HCRTR2: variants seen among roughly 807,000 people sequenced by gnomAD.
The protein encoded by HCRTR2 is hypocretin receptor 2, also known as orexin receptor type 2.
A neutral mutation model predicts 49.0 loss-of-function variants in HCRTR2; 22 were observed. The ratio of observed to expected loss-of-function variants is 0.45; its 90% CI spans 0.32 to 0.64. HCRTR2 has a LOEUF of 0.64. Ranked by LOEUF, HCRTR2 falls within the 30% of genes least tolerant of loss-of-function variation. HCRTR2 has a pLI of 0.04. For synonymous variants in HCRTR2, 236 were observed against 205.3 expected (o/e 1.15, Z -1.28); for missense variants, 491 against 559.4 (o/e 0.88, Z 1.23).
intron 4 of HCRTR2, among the ~76,000 whole-genome samples, chr6:55,271,551 A>C (rs1260298341): frequency 6.6e-6 from 1 of 152,118 alleles, no homozygotes; most frequent in African/African-American, 2.4e-5. Flanking sequence ...ATCAAAACAA[A>C]AACTTTTGTG....
At chr6:55,259,846 A>G (rs1766721816) in intron 3 of HCRTR2, among the ~76,000 whole-genome samples, 1 of 152,136 alleles carries the variant, frequency 6.6e-6, no homozygotes, top group Non-Finnish European at 1.5e-5. Context: ...ATTGCTTATG[A>G]AGTACAGAAA....
At chr6:55,271,170 C>T (rs889123416) in intron 4 of HCRTR2, among the ~76,000 whole-genome samples, 7 of 152,178 alleles carry the variant, frequency 4.6e-5, no homozygotes, top group East Asian at 3.9e-4. Flanking sequence ...GTAACTAAGA[C>T]GGTGTGGTAC....
chr6:55,146,278 A>G (rs998078314), intron 1 of HCRTR2, among the ~76,000 whole-genome samples: 6 of 152,218 alleles, frequency 3.9e-5, no homozygotes, highest in African/African-American at 1.4e-4. Flanking sequence ...TTGATGCCAT[A>G]AAACCTAAAG....
At position 55,255,251 on chromosome 6, in the gene HCRTR2, T is replaced by C; in HGVS notation, c.518T>C (p.Ile173Thr). 5.6e-6 allele frequency: 9 copies of C among 1,614,040 alleles called. No individual in the cohort carries two copies. The highest frequency in any genetic ancestry group is 6.8e-6 in the Non-Finnish European group (8 of 1,179,982). ...ACAGCAAAGCGGGCCCGTAACAGCATTGTCATCATCTGGATTGTCTCCTGC... is the reference window on the plus strand; with the variant it reads ...ACAGCAAAGCGGGCCCGTAACAGCACTGTCATCATCTGGATTGTCTCCTGC... ...KSTAKRARNS[I>T]VIIWIVSCII... Residue 173 changes from isoleucine to threonine, a missense_variant, in exon 3 of 7, where the codon ATT (isoleucine) becomes ACT (threonine). Ile to Thr is a moderately conservative substitution (Grantham distance 89, BLOSUM62 -1). Transcript: ENST00000370862.
intron 1 of HCRTR2, among the ~76,000 whole-genome samples, chr6:55,210,897 C>T (rs571704727): frequency 1.1e-4 from 17 of 152,210 alleles, no homozygotes; most frequent in South Asian, 8.3e-4. Flanking sequence ...CCTAAGAGTA[C>T]GCTCATGCAC....
Position 55,205,390 on chromosome 6 carries a change from G to C in HCRTR2, c.223+30580G>C, listed in dbSNP as rs60631253. Among the ~76,000 whole-genome samples the C allele has an allele frequency of 5.1e-3, 783 of 152,258 alleles. 7 individuals carry two copies. Among genetic ancestry groups the C allele is most frequent in the African/African-American group, 0.018 (745 of 41,540 alleles). On this transcript the variant is annotated intron_variant, in intron 1 of 6. Coordinates refer to ENST00000370862, the MANE Select transcript of HCRTR2 (RefSeq NM_001384272.1). ...AAGAAGGAATCTAAGGTAGTGAAGA[G>C]ATTGAAATGTGTCAAGGAGAGAAGA...
intron 1 of HCRTR2, among the ~76,000 whole-genome samples, chr6:55,241,955 A>G (rs1766343636): frequency 7.5e-6 from 1 of 134,196 alleles, no homozygotes; most frequent in Non-Finnish European, 1.5e-5. Flanking sequence ...TGCAGCCTCC[A>G]CCTCCCGGGT....
intron 1 of HCRTR2, among the ~76,000 whole-genome samples, chr6:55,113,348 C>T (rs1206417224): frequency 6.6e-6 from 1 of 152,042 alleles, no homozygotes; most frequent in African/African-American, 2.4e-5. Flanking sequence ...AGACAACCCA[C>T]AGAGTGGGAG....
chr6:55,145,401 T>G (rs530784859), intron 1 of HCRTR2, among the ~76,000 whole-genome samples: 71 of 83,554 alleles, frequency 8.5e-4, no homozygotes, highest in African/African-American at 2.8e-3. Flanking sequence ...TTGTTTTTTT[T>G]TTTGTTTTTT....
intron 4 of HCRTR2, among the ~76,000 whole-genome samples, chr6:55,275,302 C>T (rs1454933414): frequency 6.6e-6 from 1 of 152,128 alleles, no homozygotes; most frequent in Admixed American, 6.6e-5. Context: ...CTTAATCCTT[C>T]TCAGTGCCTG....
chr6:55,280,082 T>C (rs896778670), intron 5 of HCRTR2, among the ~76,000 whole-genome samples: 1 of 152,190 alleles, frequency 6.6e-6, no homozygotes, highest in Non-Finnish European at 1.5e-5. Context: ...CTGCATCTGC[T>C]ATTTGTGGGA....
rs75266629 is a variant in HCRTR2, at chr6:55,266,486, T to G, written c.762+2664T>G. Among the ~76,000 whole-genome samples the G allele has an allele frequency of 3.4e-3, 524 of 152,166 alleles. 1 individual carries two copies. The highest frequency in any genetic ancestry group is 4.9e-3 in the Non-Finnish European group (333 of 67,956). On this transcript the variant is annotated intron_variant, in intron 4 of 6. Transcript: ENST00000370862. ...TAGAAATGGATTAGAATCTGAAAAA[T>G]TTCTTGAAGGGGAAAAAGCAATTAA...
intron 1 of HCRTR2, among the ~76,000 whole-genome samples, chr6:55,118,721 T>C (rs548174973): frequency 6.6e-6 from 1 of 151,916 alleles, no homozygotes; most frequent in East Asian, 1.9e-4. Flanking sequence ...TGCCTGTTCA[T>C]TTTTTGCCCA....
At chr6:55,151,328 C>A (rs1764662021) in intron 1 of HCRTR2, among the ~76,000 whole-genome samples, 1 of 152,012 alleles carries the variant, frequency 6.6e-6, no homozygotes, top group South Asian at 2.1e-4. Context: ...CTTAAGTCTG[C>A]CACTGCTTTA....
At chr6:55,265,226 A>G (rs535887987) in intron 4 of HCRTR2, among the ~76,000 whole-genome samples, 1 of 151,630 alleles carries the variant, frequency 6.6e-6, no homozygotes, top group East Asian at 1.9e-4. Context: ...TTTTCTCAGC[A>G]CTCTCCACCT....
At chr6:55,230,698 A>T (rs1455982165) in intron 1 of HCRTR2, among the ~76,000 whole-genome samples, 4 of 152,028 alleles carry the variant, frequency 2.6e-5, no homozygotes, top group African/African-American at 9.7e-5. Context: ...CACATTTTAA[A>T]ACATGTGTAA....
downstream of HCRTR2, chr6:55,282,740 A>T (rs891111942): frequency 2.7e-5 from 10 of 374,644 alleles, 1 homozygote; most frequent in African/African-American, 2.1e-4. Context: ...AACATTTCTA[A>T]TTCTTTTTAT....
At position 55,274,715 on chromosome 6, in the gene HCRTR2, CT is replaced by C. The variant is rs564305845; in HGVS notation, c.763-2664del. The stretch of plus-strand genomic sequence containing the variant: ...ATCTGATTGAGCAAATGGTATTATC[CT>C]ATTTATATATTGCAGGATTTAATTT... On this transcript the variant is annotated intron_variant, in intron 4 of 6. Transcript: ENST00000370862. Among the ~76,000 whole-genome samples, 36 of 152,090 alleles carry C rather than the reference CT, an allele frequency of 2.4e-4. No homozygotes were observed. In the East Asian group the frequency reaches 6.6e-3, roughly 28 times the overall value.
At chr6:55,126,660 A>G (rs1764282625) in intron 1 of HCRTR2, among the ~76,000 whole-genome samples, 1 of 152,146 alleles carries the variant, frequency 6.6e-6, no homozygotes, top group Admixed American at 6.5e-5. Context: ...GCGGTCAGGC[A>G]GGGATATTTA....
Sources: gnomAD v4.1 joint callset for allele counts (sites outside exome capture counted in the v4.1 genomes callset) on GRCh38, gnomAD v4.1.1 for gene constraint, MANE v1.5 for transcripts, NCBI Gene and HGNC (gene_info 2026-07-23, HGNC 2026-07-21) for gene names.